MITF: variants seen among roughly 807,000 people sequenced by gnomAD.
MITF encodes the protein microphthalmia-associated transcription factor.
A neutral mutation model predicts 60.5 loss-of-function variants in MITF; 17 were observed. That is an observed-to-expected ratio of 0.28 (90% CI 0.19 to 0.42). The LOEUF (loss-of-function observed/expected upper bound fraction) is 0.42. Ranked by LOEUF, MITF falls within the 10% of genes least tolerant of loss-of-function variation. The pLI, the probability that MITF is intolerant of heterozygous loss-of-function variation, is 1.00. For synonymous variants in MITF, 260 were observed against 248.5 expected (o/e 1.05, Z -0.43); for missense variants, 622 against 683.5 (o/e 0.91, Z 1.00).
chr3:69,915,719 G>A (rs2065319530), intron 2 of MITF, among the ~76,000 whole-genome samples: 1 of 152,202 alleles, frequency 6.6e-6, no homozygotes, highest in African/African-American at 2.4e-5. Context: ...GGAACCGGGA[G>A]CAGTACCTCT....
At chr3:69,792,366 C>CA (rs2062754361) in intron 1 of MITF, among the ~76,000 whole-genome samples, 1 of 152,130 alleles carries the variant, frequency 6.6e-6, no homozygotes, top group South Asian at 2.1e-4. Flanking sequence ...TGTGCTGTTA[C>CA]AGTGATGCCC....
At chr3:69,785,653 TA>T (rs2062636778) in intron 1 of MITF, among the ~76,000 whole-genome samples, 2 of 152,244 alleles carry the variant, frequency 1.3e-5, no homozygotes, top group Non-Finnish European at 2.9e-5. Context: ...CTTAGTAATT[TA>T]GGCTCCATGA....
At chr3:69,896,826 A>G (rs2064886337) in intron 2 of MITF, among the ~76,000 whole-genome samples, 1 of 152,168 alleles carries the variant, frequency 6.6e-6, no homozygotes, top group Admixed American at 6.5e-5. Context: ...GACAAGTAGG[A>G]AAGGGCTTAA....
intron 2 of MITF, among the ~76,000 whole-genome samples, chr3:69,881,648 T>C (rs1171649489): frequency 6.6e-6 from 1 of 151,948 alleles, no homozygotes; most frequent in Non-Finnish European, 1.5e-5. Flanking sequence ...AGGTGGTTTT[T>C]TTTTTCTTTT....
chr3:69,892,814 C>T (rs963431925), intron 2 of MITF, among the ~76,000 whole-genome samples: 5 of 152,202 alleles, frequency 3.3e-5, no homozygotes, highest in Non-Finnish European at 7.3e-5. Flanking sequence ...TTTCTACTGA[C>T]GTGGCTGTAG....
chr3:69,747,341 A>G (rs56386221), intron 1 of MITF, among the ~76,000 whole-genome samples: 30,958 of 152,262 alleles, frequency 0.2, 3,552 homozygotes, highest in East Asian at 0.48. Context: ...ATGATCAGGA[A>G]TGACCTGTTG....
chr3:69,865,716 T>C (rs1335623883), intron 1 of MITF, among the ~76,000 whole-genome samples: 4 of 152,118 alleles, frequency 2.6e-5, no homozygotes, highest in African/African-American at 4.8e-5. Flanking sequence ...GTTTTGGATC[T>C]CTAGCCTGTC....
At chr3:69,778,564 A>G (rs1344677863) in intron 1 of MITF, among the ~76,000 whole-genome samples, 1 of 152,108 alleles carries the variant, frequency 6.6e-6, no homozygotes, top group Non-Finnish European at 1.5e-5. Flanking sequence ...TTGTCACCTC[A>G]TGGTTGCAAG....
intron 1 of MITF, among the ~76,000 whole-genome samples, chr3:69,867,755 G>C (rs1254104046): frequency 6.6e-6 from 1 of 152,144 alleles, no homozygotes; most frequent in African/African-American, 2.4e-5. Context: ...TTGCTATTCT[G>C]ATTCTACGTA....
intron 2 of MITF, among the ~76,000 whole-genome samples, chr3:69,894,514 C>T (rs1252371241): frequency 1.3e-5 from 2 of 151,956 alleles, no homozygotes; most frequent in Admixed American, 1.3e-4. Flanking sequence ...GCTGAAAACC[C>T]GTCTCTACTA....
At position 69,778,255 on chromosome 3, in the gene MITF, A is replaced by G. The variant is rs146631478; in HGVS notation, c.104+38554A>G. Among the ~76,000 whole-genome samples, 711 of 152,206 alleles carry G rather than the reference A, an allele frequency of 4.7e-3. 7 individuals carry two copies. Among genetic ancestry groups the G allele is most frequent in the African/African-American group, 0.016 (651 of 41,534 alleles). ...AGACAAAACAGATTGGGGAGGATGA[A>G]TATTAATTCTTCCTCCTATATGTGG... On this transcript the variant is annotated intron_variant, in intron 1 of 9. Coordinates refer to ENST00000352241, the MANE Select transcript of MITF (RefSeq NM_001354604.2).
intron 1 of MITF, among the ~76,000 whole-genome samples, chr3:69,743,033 A>G (rs561036726): frequency 1.3e-5 from 2 of 152,132 alleles, no homozygotes; most frequent in Non-Finnish European, 2.9e-5. Context: ...TTCCTTGCTC[A>G]CTATTGTGTC....
chr3:69,781,443 A>G (rs563192099), intron 1 of MITF, among the ~76,000 whole-genome samples: 1 of 152,166 alleles, frequency 6.6e-6, no homozygotes. Context: ...GTCCCAGTGC[A>G]AAATGAACAT....
At chr3:69,860,037 A>G (rs189155290) in intron 1 of MITF, among the ~76,000 whole-genome samples, 7 of 152,314 alleles carry the variant, frequency 4.6e-5, no homozygotes, top group Admixed American at 3.3e-4. Context: ...TCAAAGCAGC[A>G]TAATCTCATC....
At chr3:69,781,001 G>A (rs570600066) in intron 1 of MITF, among the ~76,000 whole-genome samples, 1 of 152,202 alleles carries the variant, frequency 6.6e-6, no homozygotes, top group South Asian at 2.1e-4. Context: ...AGGTAAATGA[G>A]GGACATAGCA....
At chr3:69,838,016 T>TA (rs1400532238) in intron 1 of MITF, among the ~76,000 whole-genome samples, 8 of 152,196 alleles carry the variant, frequency 5.3e-5, no homozygotes, top group South Asian at 4.1e-4. Context: ...GATTATATCT[T>TA]ACAGAATGGA....
intron 2 of MITF, among the ~76,000 whole-genome samples, chr3:69,928,849 C>T (rs1002772860): frequency 6.6e-6 from 1 of 152,114 alleles, no homozygotes; most frequent in African/African-American, 2.4e-5. Context: ...GGGTCTACAG[C>T]TAGAGGTGAA....
At chr3:69,843,177 A>G (rs898427971) in intron 1 of MITF, among the ~76,000 whole-genome samples, 1 of 152,148 alleles carries the variant, frequency 6.6e-6, no homozygotes, top group African/African-American at 2.4e-5. Context: ...ACCAATATCT[A>G]TGGATTACAG....
chr3:69,769,993 A>C (rs1303270626), intron 1 of MITF, among the ~76,000 whole-genome samples: 1 of 152,220 alleles, frequency 6.6e-6, no homozygotes, highest in Non-Finnish European at 1.5e-5. Flanking sequence ...TGCTAAATCT[A>C]GCAATGCTAG....
Sources: gnomAD v4.1 joint callset for allele counts (sites outside exome capture counted in the v4.1 genomes callset) on GRCh38, gnomAD v4.1.1 for gene constraint, MANE v1.5 for transcripts, NCBI Gene and HGNC (gene_info 2026-07-23, HGNC 2026-07-21) for gene names.